Variants in CHRNB4 observed in about 807,000 individuals in gnomAD.
CHRNB4 encodes neuronal acetylcholine receptor subunit beta-4.
Under a neutral mutation model 40.4 loss-of-function variants are expected in CHRNB4, and 23 were observed. The observed-to-expected ratio is 0.57, with a 90% CI of 0.41 to 0.81. The LOEUF (loss-of-function observed/expected upper bound fraction) is 0.81. Ranked by LOEUF, CHRNB4 falls within the 30% of genes least tolerant of loss-of-function variation. CHRNB4 has a pLI of 0.00. For synonymous variants in CHRNB4, 285 were observed against 274.4 expected, an observed-to-expected ratio of 1.04 and a Z score of -0.38; for missense variants, 568 against 670.6, an observed-to-expected ratio of 0.85 and a Z score of 1.69.
chr15:78,629,165 G>A lies in CHRNB4; in HGVS notation c.1140C>T (p.Ser380=), dbSNP rs78486549. The change falls in exon 5 of 6, where the codon TCC becomes TCT. Residue 380 remains serine, a synonymous_variant. Coordinates refer to ENST00000261751, the MANE Select transcript of CHRNB4 (RefSeq NM_000750.5). This position sits in a 1 kb window ranked among gnomAD's most constrained non-coding sequence, Gnocchi z 6.8. ...AGTACATGGAGTTCCCATAGAAGTT[G>A]GAGGGGCTGGTGGAGGTGGCGGTGG... The part of the protein sequence containing the change: ...PEATATSTSP[S]NFYGNSMYFV... 21 of 1,613,988 alleles carry A rather than the reference G, an allele frequency of 1.3e-5. No individual in the cohort carries two copies. The highest frequency in any genetic ancestry group is 1.7e-5 in the Admixed American group (1 of 59,998).
At chr15:78,644,681 A>G (rs952889863), upstream of CHRNB4, among the ~76,000 whole-genome samples, 2 of 152,242 alleles carry the variant, frequency 1.3e-5, no homozygotes, top group African/African-American at 4.8e-5. Context: ...TATAGACCAT[A>G]TATATTATGA....
At chr15:78,630,740 G>A (rs2053787796) in intron 4 of CHRNB4, among the ~76,000 whole-genome samples, 3 of 152,180 alleles carry the variant, frequency 2.0e-5, no homozygotes, top group Admixed American at 2.0e-4. Context: ...GTAAGTCAGT[G>A]GTACCAACAC....
chr15:78,631,294 C>T lies in CHRNB4; in HGVS notation c.243G>A (p.Leu81=). Residue 81 remains leucine (L), a synonymous_variant, in exon 3 of 6, where the codon CTG becomes CTA. Coordinates refer to ENST00000261751, the MANE Select transcript of CHRNB4 (RefSeq NM_000750.5). ...REQIMTTNVW[L]KQEWTDYRLT... ...GGCCCTTCAGGGCACTTACCTGTTT[C>T]AGCCAGACATTGGTGGTCATGATCT... 1.9e-6 allele frequency: 3 copies of T among 1,614,160 alleles called. No individual in the cohort carries two copies. The South Asian group carries it at 3.3e-5, about 18-fold the overall frequency.
In CHRNB4 at chr15:78,640,971, C is replaced by T. The variant is rs112790387; in HGVS notation, c.55+108G>A. On this transcript the variant is annotated intron_variant, in intron 1 of 5. Coordinates refer to ENST00000261751, the MANE Select transcript of CHRNB4 (RefSeq NM_000750.5). ...CCCATCTGGCCGGGACAATCTCGGG[C>T]CACTCCCCCGGGCGCAGGGCACCCT... 33 of 1,269,804 alleles carry T rather than the reference C, an allele frequency of 2.6e-5. No individual in the cohort carries two copies. The African/African-American group carries it at 3.4e-4, about 13-fold the overall frequency. 78.7% of individuals were successfully genotyped at this position (1,269,804 alleles called of 1,614,324 possible). A position where few individuals can be genotyped will look rare whatever the true frequency, so the allele number is the denominator to read the frequency against.
chr15:78,641,091 G>A lies in CHRNB4; in HGVS notation c.43C>T (p.Leu15Phe). The A allele has an allele frequency of 6.3e-7, 1 of 1,581,916 alleles. No individual in the cohort carries two copies. Among genetic ancestry groups the A allele is most frequent in the South Asian group, 1.2e-5 (1 of 86,548 alleles). Residue 15 changes from leucine (L) to phenylalanine (F), a missense_variant, in exon 1 of 6, where the codon CTT (leucine) becomes TTT (phenylalanine). Leu to Phe is a conservative substitution (Grantham distance 22, BLOSUM62 0). Coordinates refer to ENST00000261751, the MANE Select transcript of CHRNB4 (RefSeq NM_000750.5). ...PSLVLFFLVA[L>F]CGRGNCRVAN... The stretch of plus-strand genomic sequence containing the variant: ...GAAAAGAACTCACCGCGCCCGCAAA[G>A]GGCGACCAGGAAGAAAAGGACCAGG...
intron 1 of CHRNB4, among the ~76,000 whole-genome samples, chr15:78,659,368 A>T (rs908353239): frequency 3.3e-5 from 5 of 152,128 alleles, no homozygotes; most frequent in Non-Finnish European, 7.4e-5. Context: ...TGGGAGGCAG[A>T]GGTGAGCTGA....
At chr15:78,640,094 C>A (rs1421478831) in intron 1 of CHRNB4, among the ~76,000 whole-genome samples, 2 of 152,150 alleles carry the variant, frequency 1.3e-5, no homozygotes, top group Non-Finnish European at 2.9e-5. Context: ...CCAAACTGGA[C>A]ACACACTCAC....
At chr15:78,656,510 A>G (rs1428264577) in exon 4 of CHRNB4, 1 of 152,076 alleles carries the variant, frequency 6.6e-6, no homozygotes, top group Non-Finnish European at 1.5e-5. Context: ...TTGTGCAAGT[A>G]AGTAAATAAA....
chr15:78,657,327 C>G (rs2054222785), intron 3 of CHRNB4: 1 of 151,924 alleles, frequency 6.6e-6, no homozygotes. Flanking sequence ...AAACCTGTTT[C>G]TTACCCAATG....
chr15:78,644,614 C>G (rs2054108419), upstream of CHRNB4, among the ~76,000 whole-genome samples: 1 of 152,108 alleles, frequency 6.6e-6, no homozygotes, highest in African/African-American at 2.4e-5. Flanking sequence ...TGTTATAGCA[C>G]TACAAAAGGC....
chr15:78,648,972 C>T (rs1163341472), intron 7 of CHRNB4, among the ~76,000 whole-genome samples: 1 of 152,034 alleles, frequency 6.6e-6, no homozygotes, highest in Admixed American at 6.6e-5. Flanking sequence ...GAGACCGGGT[C>T]CCACTATGTT....
rs913978186 is a variant in CHRNB4, at chr15:78,624,838, G to A, written c.*295C>T. 24 of 857,960 alleles carry A rather than the reference G, an allele frequency of 2.8e-5. No individual in the cohort carries two copies. The highest frequency in any genetic ancestry group is 8.9e-5 in the Admixed American group (3 of 33,760). The allele number at this position is 857,960 out of a possible 1,614,324, so 53.1% of individuals were successfully genotyped here. A position where few individuals can be genotyped will look rare whatever the true frequency, so the allele number is the denominator to read the frequency against. On this transcript the variant is annotated 3_prime_UTR_variant, in exon 6 of 6. Coordinates refer to ENST00000261751, the MANE Select transcript of CHRNB4 (RefSeq NM_000750.5). ...CGGCACCATGCCTGAAGCATAGTAG[G>A]TGCTGCTACGAAGTCATCTTTATCC... is the stretch of plus-strand genomic sequence containing the variant.
Position 78,635,510 on chromosome 15 carries a change from G to A in CHRNB4, c.133C>T (p.Arg45Cys), listed in dbSNP as rs760869923. 9.3e-6 allele frequency: 15 copies of A among 1,613,996 alleles called. No homozygotes were observed. Among genetic ancestry groups the A allele is most frequent in the South Asian group, 2.2e-5 (2 of 91,086 alleles). The change falls in exon 2 of 6, where the codon CGC becomes TGC. Residue 45 changes from arginine to cysteine, a missense_variant. By Grantham distance (180) the Arg-to-Cys change is radical. Coordinates refer to ENST00000261751, the MANE Select transcript of CHRNB4 (RefSeq NM_000750.5). ...LNKTRYNNLI[R>C]PATSSSQLIS... ...AGCTGTGAGGAGCTGGTGGCTGGGC[G>A]GATCAGGTTATTGTAACGGGTTTTG...
At chr15:78,634,324 C>T (rs1567123184) in intron 2 of CHRNB4, among the ~76,000 whole-genome samples, 1 of 152,222 alleles carries the variant, frequency 6.6e-6, no homozygotes, top group East Asian at 1.9e-4. Context: ...AGCTGCACCG[C>T]AGCAGCTGGG....
At chr15:78,661,579 G>A (rs75865414), upstream of CHRNB4, 6,720 of 524,636 alleles carry the variant, frequency 0.013, 841 homozygotes, top group East Asian at 0.29. Flanking sequence ...ACGTTTTTTG[G>A]TCCTTGTTGG....
intron 2 of CHRNB4, among the ~76,000 whole-genome samples, chr15:78,632,166 T>C (rs2053827629): frequency 4.0e-5 from 5 of 123,994 alleles, no homozygotes; most frequent in African/African-American, 1.5e-4. Flanking sequence ...TCTTTTCTTT[T>C]CTTTCTCTTT....
intron 2 of CHRNB4, among the ~76,000 whole-genome samples, chr15:78,631,822 A>G (rs1329796770): frequency 6.6e-6 from 1 of 152,028 alleles, no homozygotes; most frequent in Non-Finnish European, 1.5e-5. Flanking sequence ...CCCTTCTACT[A>G]ATTGTTCTGC....
chr15:78,647,940 C>T (rs2054140236), intron 7 of CHRNB4, among the ~76,000 whole-genome samples: 1 of 146,236 alleles, frequency 6.8e-6, no homozygotes, highest in South Asian at 2.2e-4. Context: ...GCAAAATATA[C>T]ATAAGGCCTT....
chr15:78,640,442 G>C (rs1029444383), intron 1 of CHRNB4, among the ~76,000 whole-genome samples: 6 of 152,234 alleles, frequency 3.9e-5, no homozygotes, highest in African/African-American at 1.4e-4. Flanking sequence ...CCTCGGGTGG[G>C]TGACCAGAGG....
Sources: gnomAD v4.1 joint callset for allele counts (sites outside exome capture counted in the v4.1 genomes callset) on GRCh38, gnomAD v4.1.1 for gene constraint, Gnocchi (gnomAD v3.1) non-coding constraint, MANE v1.5 for transcripts, NCBI Gene and HGNC (gene_info 2026-07-23, HGNC 2026-07-21) for gene names.